Variants in CALCR observed in about 807,000 individuals in gnomAD.
The protein encoded by CALCR is calcitonin receptor.
Under a neutral mutation model 59.5 loss-of-function variants are expected in CALCR, and 47 were observed. The observed-to-expected ratio is 0.79, with a 90% confidence interval of 0.63 to 1.01. The LOEUF (loss-of-function observed/expected upper bound fraction) is 1.01. Ranked by LOEUF, CALCR falls within the 50% of genes least tolerant of loss-of-function variation. The pLI, the probability that CALCR is intolerant of heterozygous loss-of-function variation, is 0.00. For missense variants in CALCR, 566 were observed against 597.1 expected (o/e 0.95, Z 0.54); for synonymous variants, 213 against 211.3 (o/e 1.01, Z -0.07).
chr7:93,556,602 C>A (rs1179512387), intron 2 of CALCR, among the ~76,000 whole-genome samples: 2 of 152,002 alleles, frequency 1.3e-5, no homozygotes, highest in East Asian at 3.9e-4. Context: ...CCATTCTAGA[C>A]ATTTTTCTGT....
At chr7:93,485,823 A>G (rs1800930831) in intron 3 of CALCR, among the ~76,000 whole-genome samples, 1 of 151,586 alleles carries the variant, frequency 6.6e-6, no homozygotes, top group Non-Finnish European at 1.5e-5. Flanking sequence ...AAATGATAAG[A>G]CAAACTGACA....
rs1487543196 is a variant in CALCR, at chr7:93,426,452, G to A, written c.1329C>T (p.Cys443=). The A allele has an allele frequency of 6.2e-7, 1 of 1,613,744 alleles. No homozygotes were observed. Among genetic ancestry groups the A allele is most frequent in the Non-Finnish European group, 8.5e-7 (1 of 1,179,658 alleles). ...AEAGDIPIYI[C]HQELRNEPAN... ...CTGGTTCATTCCTCAGCTCCTGATG[G>A]CAGATGTAAATTGGGATGTCGCCAG... Residue 443 remains cysteine, a synonymous_variant, in exon 14 of 14, where the codon TGC becomes TGT. Coordinates refer to ENST00000426151, the MANE Select transcript of CALCR (RefSeq NM_001742.4).
chr7:93,527,933 A>AT (rs1788713612), intron 2 of CALCR, among the ~76,000 whole-genome samples: 1 of 152,162 alleles, frequency 6.6e-6, no homozygotes, highest in African/African-American at 2.4e-5. Context: ...CACTTTTGTT[A>AT]TTTTTTGCCT....
chr7:93,552,413 C>A (rs1172308441), intron 2 of CALCR, among the ~76,000 whole-genome samples: 1 of 152,086 alleles, frequency 6.6e-6, no homozygotes, highest in Non-Finnish European at 1.5e-5. Flanking sequence ...TCAGGTCTTA[C>A]ATTAAGTCAT....
At chr7:93,476,636 T>C (rs1004495094) in intron 5 of CALCR, among the ~76,000 whole-genome samples, 2 of 151,820 alleles carry the variant, frequency 1.3e-5, no homozygotes, top group African/African-American at 2.4e-5. Flanking sequence ...ACTATTTATA[T>C]CCACTTTGGC....
chr7:93,482,908 G>C, intron 3 of CALCR: 7 of 525,706 alleles, frequency 1.3e-5, no homozygotes, highest in Admixed American at 4.0e-5. Flanking sequence ...TCAGTTCCTG[G>C]TCTGGTTCAT....
At chr7:93,453,549 T>C (rs1000056397) in intron 8 of CALCR, among the ~76,000 whole-genome samples, 7 of 152,000 alleles carry the variant, frequency 4.6e-5, no homozygotes, top group South Asian at 2.1e-4. Flanking sequence ...ACCATCTCAA[T>C]TGGAAGCTCT....
At chr7:93,515,570 C>T (rs1430455305) in intron 2 of CALCR, among the ~76,000 whole-genome samples, 1 of 151,974 alleles carries the variant, frequency 6.6e-6, no homozygotes, top group East Asian at 1.9e-4. Flanking sequence ...GTTTCCTTTG[C>T]TACACTCTTG....
rs113190351 is a variant in CALCR, at chr7:93,443,773, G to A, written c.649-16C>T. 2.1e-4 allele frequency: 342 copies of A among 1,610,222 alleles called. 4 individuals carry two copies. In the African/African-American group the frequency reaches 3.6e-3, roughly 17 times the overall value. On this transcript the variant is annotated splice_polypyrimidine_tract_variant and intron_variant, in intron 8 of 13. Coordinates refer to ENST00000426151, the MANE Select transcript of CALCR (RefSeq NM_001742.4). Reference sequence around the variant, plus strand: ...TGCAGCTCACCTGTCAGAAAGAAAGGAAGATACTCAGAGAAAGACACAGGT... The same window carrying A: ...TGCAGCTCACCTGTCAGAAAGAAAGAAAGATACTCAGAGAAAGACACAGGT...
rs1801261227 is a variant in CALCR, at chr7:93,498,680, TGGAA to T, written c.-26-11677_-26-11674del. ...ATCTAAAGGATAAGCATGAAGATAC[TGGAA>T]TCACTAAGCATACTGAAGAAATCTT... On this transcript the variant is annotated intron_variant, in intron 2 of 13. Coordinates refer to ENST00000426151, the MANE Select transcript of CALCR (RefSeq NM_001742.4). Among the ~76,000 whole-genome samples, 4 of 151,814 alleles carry T rather than the reference TGGAA, an allele frequency of 2.6e-5. No individual in the cohort carries two copies. The South Asian group carries it at 8.3e-4, about 31-fold the overall frequency.
chr7:93,531,861 GTCA>G (rs1452517278), intron 2 of CALCR, among the ~76,000 whole-genome samples: 1 of 151,918 alleles, frequency 6.6e-6, no homozygotes, highest in African/African-American at 2.4e-5. Context: ...ATATGATGAA[GTCA>G]TCATCAATGA....
chr7:93,502,696 A>C (rs1235250021), intron 2 of CALCR, among the ~76,000 whole-genome samples: 4 of 152,118 alleles, frequency 2.6e-5, no homozygotes, highest in African/African-American at 9.7e-5. Context: ...ATTTGAAAGT[A>C]ATCTAAATGT....
chr7:93,484,730 T>C (rs1440219386), intron 3 of CALCR, among the ~76,000 whole-genome samples: 1 of 151,852 alleles, frequency 6.6e-6, no homozygotes, highest in African/African-American at 2.4e-5. Context: ...CATAGATAAG[T>C]AAACAAGTAA....
At position 93,453,854 on chromosome 7, in the gene CALCR, C is replaced by G. The variant is rs561257881; in HGVS notation, c.648+6967G>C. 8.5e-5 allele frequency among the ~76,000 whole-genome samples: 13 copies of G among 152,104 alleles called. No individual in the cohort carries two copies. In the East Asian group the frequency reaches 1.9e-3, roughly 23 times the overall value. On this transcript the variant is annotated intron_variant, in intron 8 of 13. Coordinates refer to ENST00000426151, the MANE Select transcript of CALCR (RefSeq NM_001742.4). ...TAACTTTAAAAAGGAATAAAGAAAT[C>G]CTCTATACTTTTCTGCACCATGTGA...
intron 8 of CALCR, among the ~76,000 whole-genome samples, chr7:93,448,226 C>T (rs528052607): frequency 2.6e-5 from 4 of 152,142 alleles, no homozygotes; most frequent in African/African-American, 9.6e-5. Flanking sequence ...ATTTCTCCCT[C>T]TCATTGGTAA....
intron 2 of CALCR, among the ~76,000 whole-genome samples, chr7:93,524,436 C>T (rs1056162201): frequency 6.6e-6 from 1 of 152,114 alleles, no homozygotes; most frequent in South Asian, 2.1e-4. Flanking sequence ...TCCCAAAGTG[C>T]TGGGATTACA....
chr7:93,426,470 G>A lies in CALCR; in HGVS notation c.1311C>T (p.Asp437=). 1.9e-6 allele frequency: 3 copies of A among 1,613,762 alleles called. No individual in the cohort carries two copies. The highest frequency in any genetic ancestry group is 2.5e-6 in the Non-Finnish European group (3 of 1,179,682). The change falls in exon 14 of 14, where the codon GAC becomes GAT. Residue 437 remains aspartate, a synonymous_variant. Coordinates refer to ENST00000426151, the MANE Select transcript of CALCR (RefSeq NM_001742.4). ...CCTGATGGCAGATGTAAATTGGGAT[G>A]TCGCCAGCCTCCGCAGCAGCGGCTG... ...RAAAAAAEAG[D]IPIYICHQEL... is the part of the protein sequence containing the mutation.
At chr7:93,489,231 A>G (rs1158156771) in intron 2 of CALCR, among the ~76,000 whole-genome samples, 1 of 151,920 alleles carries the variant, frequency 6.6e-6, no homozygotes, top group Non-Finnish European at 1.5e-5. Flanking sequence ...ACAAAGAGAC[A>G]ATGTACCAGA....
chr7:93,468,675 A>G, intron 7 of CALCR, 40 bp downstream of exon 7: 2 of 1,383,560 alleles, frequency 1.4e-6, no homozygotes, highest in Non-Finnish European at 2.1e-6. Flanking sequence ...TCAGTAACTT[A>G]AAGGAGGAAA....
Sources: allele counts gnomAD v4.1 joint callset (sites outside exome capture counted in the v4.1 genomes callset), GRCh38; gene constraint gnomAD v4.1.1; transcripts MANE v1.5; gene names NCBI Gene and HGNC (gene_info 2026-07-23, HGNC 2026-07-21).